HOPX: variants seen among roughly 807,000 people sequenced by gnomAD.
HOPX encodes the protein HOP homeobox.
HOPX carries 5 observed loss-of-function variants against 11.8 expected under a neutral mutation model. The ratio of observed to expected loss-of-function variants is 0.43; its 90% CI spans 0.22 to 0.89. The LOEUF is 0.89. Among genes scored for constraint, HOPX ranks in the 40% least tolerant of loss-of-function variants. The pLI is 0.28. For synonymous variants in HOPX, 49 were observed against 49.7 expected (o/e 0.99, Z 0.06); for missense variants, 119 against 120.0 (o/e 0.99, Z 0.04).
At chr4:56,680,753 A>G (rs2109566273) in intron 1 of HOPX, 1 of 152,428 alleles carries the variant, frequency 6.6e-6, no homozygotes, top group Non-Finnish European at 1.5e-5. Context: ...GAGAACCAGA[A>G]GTAACAATAA....
At chr4:56,658,465 T>A (rs1331396635) in intron 1 of HOPX, among the ~76,000 whole-genome samples, 1 of 152,206 alleles carries the variant, frequency 6.6e-6, no homozygotes, top group East Asian at 1.9e-4. Context: ...AAGCGCCTAC[T>A]TCTCCAAGGT....
At chr4:56,649,123 C>T (rs940364662) in intron 3 of HOPX, 1 of 208,898 alleles carries the variant, frequency 4.8e-6, no homozygotes, top group African/African-American at 2.3e-5. Flanking sequence ...CTCCTTACTT[C>T]CCAATTTAGT....
At chr4:56,675,146 TAG>T (rs1224624711) in intron 1 of HOPX, among the ~76,000 whole-genome samples, 1 of 151,562 alleles carries the variant, frequency 6.6e-6, no homozygotes, top group Non-Finnish European at 1.5e-5. Context: ...CTTTTTGGTT[TAG>T]CCAACATAAA....
intron 1 of HOPX, among the ~76,000 whole-genome samples, chr4:56,674,242 A>C (rs1718887747): frequency 6.6e-6 from 1 of 151,692 alleles, no homozygotes; most frequent in Non-Finnish European, 1.5e-5. Context: ...GATACTTCCA[A>C]CATTAGTTAT....
chr4:56,652,043 A>G (rs1717244756), intron 3 of HOPX, among the ~76,000 whole-genome samples: 1 of 152,164 alleles, frequency 6.6e-6, no homozygotes. Context: ...GTTTTCATCT[A>G]ATTTAAATCT....
At chr4:56,655,061 T>A (rs960601287) in intron 3 of HOPX, among the ~76,000 whole-genome samples, 7 of 152,202 alleles carry the variant, frequency 4.6e-5, no homozygotes, top group Admixed American at 4.6e-4. Flanking sequence ...ATTCTTTACC[T>A]GGCACTTTTC....
chr4:56,656,261 C>T (rs953180811), intron 2 of HOPX: 14 of 1,166,010 alleles, frequency 1.2e-5, no homozygotes, highest in African/African-American at 1.6e-5. Flanking sequence ...CTGCGCCTCC[C>T]GCGCCCCCCG....
In HOPX at chr4:56,657,686, C is replaced by G. The variant is rs987502274; in HGVS notation, c.42+89G>C. On this transcript the variant is annotated intron_variant, in intron 2 of 3. Coordinates refer to ENST00000420433, the MANE Select transcript of HOPX (RefSeq NM_032495.6). ...GGTGCTAGGCAGGAGAGGGTCATAC[C>G]AGGTCAGAAACACTTCTTCTTCTGT... 8 of 723,742 alleles carry G rather than the reference C, an allele frequency of 1.1e-5. No homozygotes were observed. In the African/African-American group the frequency reaches 1.2e-4, roughly 11 times the overall value. The allele number at this position is 723,742 out of a possible 1,614,324, so 44.8% of individuals were successfully genotyped here.
At position 56,655,933 on chromosome 4, in the gene HOPX, T is replaced by C. The variant is rs1717658389; in HGVS notation, c.122A>G (p.Lys41Arg). 2 of 1,611,602 alleles carry C rather than the reference T, an allele frequency of 1.2e-6. No individual in the cohort carries two copies. The highest frequency in any genetic ancestry group is 1.3e-5 in the African/African-American group (1 of 74,768). Residue 41 changes from lysine to arginine, a missense_variant, in exon 3 of 4, where the codon AAG (lysine) becomes AGG (arginine). Coordinates refer to ENST00000420433, the MANE Select transcript of HOPX (RefSeq NM_032495.6). ...QVEILEYNFN[K>R]VDKHPDSTTL... is the part of the protein sequence containing the mutation. The stretch of plus-strand genomic sequence containing the variant: ...GGTGGAATCCGGGTGCTTGTCGACC[T>C]TGTTGAAGTTGTACTCCAGGATTTC...
intron 3 of HOPX, among the ~76,000 whole-genome samples, chr4:56,654,550 T>C (rs1290187265): frequency 6.6e-6 from 1 of 152,242 alleles, no homozygotes; most frequent in Non-Finnish European, 1.5e-5. Flanking sequence ...TGGGTTACAG[T>C]AAATCACCTT....
chr4:56,652,294 C>T (rs1160755021), intron 3 of HOPX, among the ~76,000 whole-genome samples: 8 of 152,138 alleles, frequency 5.3e-5, no homozygotes. Context: ...AAGTATCGGC[C>T]CTGTGAATCA....
intron 2 of HOPX, 174 bp from the exon 3 acceptor site, chr4:56,656,186 C>T (rs1440993735): frequency 3.6e-6 from 4 of 1,106,230 alleles, no homozygotes; most frequent in African/African-American, 1.7e-5. Context: ...CTTACGGCTG[C>T]CCCCCACCCG....
At chr4:56,678,162 G>A (rs895749652) in intron 1 of HOPX, among the ~76,000 whole-genome samples, 6 of 151,534 alleles carry the variant, frequency 4.0e-5, no homozygotes, top group Non-Finnish European at 7.3e-5. Flanking sequence ...GTGTCCAGAA[G>A]CAGCCTCTTT....
rs1716824599 is a variant in HOPX, at chr4:56,648,084, T to C, written c.*636A>G. On this transcript the variant is annotated 3_prime_UTR_variant, in exon 4 of 4. Coordinates refer to ENST00000420433, the MANE Select transcript of HOPX (RefSeq NM_032495.6). Reference sequence around the variant, plus strand: ...TATTTAGCAAAATAAACTTAACCAATGCATTTAAATATAGTAAATTCAAGA... The same window carrying C: ...TATTTAGCAAAATAAACTTAACCAACGCATTTAAATATAGTAAATTCAAGA... 6.6e-6 allele frequency: 1 copy of C among 152,236 alleles called. No homozygotes were observed. Among genetic ancestry groups the C allele is most frequent in the Non-Finnish European group, 1.5e-5 (1 of 68,044 alleles). The allele number at this position is 152,236 out of a possible 1,614,324, so 9.4% of individuals were successfully genotyped here.
chr4:56,669,869 G>A (rs1236185300), intron 1 of HOPX, among the ~76,000 whole-genome samples: 1 of 152,108 alleles, frequency 6.6e-6, no homozygotes. Context: ...CAAAATGCAG[G>A]TCTGTTAGGA....
In HOPX at chr4:56,648,719, C is replaced by T. The variant is rs895008921; in HGVS notation, c.*1G>A. On this transcript the variant is annotated 3_prime_UTR_variant, in exon 4 of 4. Transcript: ENST00000420433. ...TGAAGCTGTCAATGCCTGCCATCTC[C>T]TTAGTCTGTGACGGATCTGCACTCT... The T allele has an allele frequency of 6.2e-7, 1 of 1,601,082 alleles. No individual in the cohort carries two copies.
At chr4:56,670,789 G>C (rs1397992765) in intron 1 of HOPX, among the ~76,000 whole-genome samples, 1 of 152,162 alleles carries the variant, frequency 6.6e-6, no homozygotes, top group African/African-American at 2.4e-5. Context: ...TTGAGGTCAG[G>C]AGTTCGAGAC....
At chr4:56,662,688 G>C (rs1718216266) in intron 1 of HOPX, 1 of 152,378 alleles carries the variant, frequency 6.6e-6, no homozygotes, top group Non-Finnish European at 1.5e-5. Flanking sequence ...TGTTGGCCAG[G>C]CTGGTCTGGA....
chr4:56,656,113 G>A, intron 2 of HOPX, 101 bp from the exon 3 acceptor site: 1 of 1,290,944 alleles, frequency 7.7e-7, no homozygotes, highest in Non-Finnish European at 9.9e-7. Context: ...CCCAGCCCCA[G>A]GCCGCCCCCT....
Sources: gnomAD v4.1 joint callset for allele counts (sites outside exome capture counted in the v4.1 genomes callset) on GRCh38, gnomAD v4.1.1 for gene constraint, MANE v1.5 for transcripts, NCBI Gene and HGNC (gene_info 2026-07-23, HGNC 2026-07-21) for gene names.